The following CLCN7 variants were observed in gnomAD, a reference collection of about 807,000 sequenced individuals.
CLCN7 encodes the protein Cl-/H+ antiporter 7, also known as H(+)/Cl(-) exchange transporter 7.
CLCN7 carries 60 observed loss-of-function variants against 102.1 expected under a neutral mutation model. That is an observed-to-expected ratio of 0.59 (90% CI 0.48 to 0.73). The LOEUF (loss-of-function observed/expected upper bound fraction) is 0.73. Among genes scored for constraint, CLCN7 ranks in the 30% least tolerant of loss-of-function variants. The pLI is 0.00. For missense variants in CLCN7, 962 were observed against 1,125.7 expected, an observed-to-expected ratio of 0.85 and a Z score of 2.08; for synonymous variants, 560 against 490.5, an observed-to-expected ratio of 1.14 and a Z score of -1.87.
intron 13 of CLCN7, 132 bp from the exon 14 acceptor site, chr16:1,454,026 G>A (rs1055413358): frequency 3.7e-6 from 3 of 812,028 alleles, no homozygotes; most frequent in African/African-American, 3.4e-5. Flanking sequence ...AGGGGGTCCT[G>A]GTAAGATGCT....
chr16:1,448,635 G>T, intron 20 of CLCN7, 46 bp downstream of exon 20: 1 of 1,609,480 alleles, frequency 6.2e-7, no homozygotes, highest in Non-Finnish European at 8.5e-7. Flanking sequence ...TGCAACAAGA[G>T]GCCGCTGGAC....
rs200121444 is a variant in CLCN7 at position 1,448,977 on chromosome 16, C to T, written c.1786G>A (p.Val596Ile). The change falls in exon 19 of 25, where the codon GTC becomes ATC. Residue 596 changes from valine (V) to isoleucine (I), a missense_variant. Coordinates refer to ENST00000382745, the MANE Select transcript of CLCN7 (RefSeq NM_001287.6). The part of the protein sequence containing the change: ...VLMTAKIVGD[V>I]FIEGLYDMHI... Reference sequence around the variant, plus strand: ...AGGCCCTGGCGCACCTCAATGAAGACGTCGCCCACGATCTTGGCGGTCATG... The same window carrying T: ...AGGCCCTGGCGCACCTCAATGAAGATGTCGCCCACGATCTTGGCGGTCATG... The T allele has an allele frequency of 3.0e-5, 49 of 1,612,636 alleles. No homozygotes were observed. In the East Asian group the frequency reaches 4.2e-4, roughly 14 times the overall value.
intron 2 of CLCN7, among the ~76,000 whole-genome samples, chr16:1,463,138 G>A (rs1468366361): frequency 6.6e-6 from 1 of 152,118 alleles, no homozygotes; most frequent in Non-Finnish European, 1.5e-5. Flanking sequence ...CAAAAAAAGA[G>A]AGAGAGAGAG....
At position 1,461,459 on chromosome 16, in the gene CLCN7, A is replaced by G. The variant is rs933596310; in HGVS notation, c.297T>C (p.Tyr99=). 5 of 1,570,386 alleles carry G rather than the reference A, an allele frequency of 3.2e-6. No individual in the cohort carries two copies. In the African/African-American group the frequency reaches 4.0e-5, roughly 13 times the overall value. The change falls in exon 4 of 25, where the codon TAT becomes TAC. Residue 99 remains tyrosine (Y), a synonymous_variant. Transcript: ENST00000382745. ...LLSLKYESLD[Y]DNSENQLFLE... is the part of the protein sequence containing the mutation. The stretch of plus-strand genomic sequence containing the variant: ...GGAACAGCTGGTTCTCACTGTTGTC[A>G]TAGTCCAAGCTCTGCAGGCCGGGAC...
intron 15 of CLCN7, 67 bp from the exon 16 acceptor site, chr16:1,451,783 G>C: frequency 7.4e-7 from 1 of 1,344,234 alleles, no homozygotes; most frequent in South Asian, 1.2e-5. Flanking sequence ...GCACAAACCT[G>C]GTGTCGCCGT....
Position 1,474,866 on chromosome 16 carries a change from G to T in CLCN7, c.109C>A (p.Leu37Met). ...TARPGGGTPL[L>M]NGAGPGAARQ... ...GCAGCCCCAGGCCCAGCCCCGTTCA[G>T]CAGCGGCGTCCCCCCGCCGGGCCGC... The change falls in exon 1 of 25, where the codon CTG (leucine) becomes ATG (methionine). Residue 37 changes from leucine to methionine, a missense_variant. Leu to Met is a conservative substitution (Grantham distance 15, BLOSUM62 2). Coordinates refer to ENST00000382745, the MANE Select transcript of CLCN7 (RefSeq NM_001287.6). The T allele has an allele frequency of 6.9e-7, 1 of 1,441,902 alleles. No individual in the cohort carries two copies. The highest frequency in any genetic ancestry group is 9.1e-7 in the Non-Finnish European group (1 of 1,099,572). 89.3% of individuals were successfully genotyped at this position (1,441,902 alleles called of 1,614,324 possible).
intron 2 of CLCN7, among the ~76,000 whole-genome samples, chr16:1,463,444 G>A (rs959980564): frequency 6.6e-6 from 1 of 152,028 alleles, no homozygotes; most frequent in Non-Finnish European, 1.5e-5. Context: ...GTTCAGCCTG[G>A]GCCACACAGT....
chr16:1,473,465 C>T lies in CLCN7; in HGVS notation c.141+1369G>A, dbSNP rs1160955827. On this transcript the variant is annotated intron_variant, in intron 1 of 24. Coordinates refer to ENST00000382745, the MANE Select transcript of CLCN7 (RefSeq NM_001287.6). The stretch of plus-strand genomic sequence containing the variant: ...CTCCGCTCACTGTAAGCTCCGCCTC[C>T]CGGGTTCAATTGATTCTCCTGCCTC... Among the ~76,000 whole-genome samples the T allele has an allele frequency of 3.4e-5, 5 of 148,676 alleles. 1 individual carries two copies. The highest frequency in any genetic ancestry group is 4.3e-4 in the South Asian group (2 of 4,670).
chr16:1,460,385 G>A (rs781729324), intron 6 of CLCN7, 33 bp downstream of exon 6: 3 of 1,492,126 alleles, frequency 2.0e-6, no homozygotes, highest in Non-Finnish European at 2.8e-6. Context: ...TCCTTCATGG[G>A]GTCCGCCATA....
intron 23 of CLCN7, 43 bp from the exon 24 acceptor site, chr16:1,447,129 A>C: frequency 2.6e-6 from 4 of 1,537,508 alleles, no homozygotes; most frequent in Non-Finnish European, 2.6e-6. Flanking sequence ...CACACAGCAG[A>C]GGCAGGCGGG....
intron 17 of CLCN7, chr16:1,449,592 G>C (rs2038710247): frequency 1.7e-6 from 1 of 574,740 alleles, no homozygotes; most frequent in Admixed American, 3.0e-5. Context: ...CCACGCAGCA[G>C]CCCAGGCCAA....
intron 10 of CLCN7, 52 bp downstream of exon 10, chr16:1,456,061 T>C (rs1159397668): frequency 6.3e-6 from 9 of 1,424,802 alleles, no homozygotes; most frequent in Non-Finnish European, 8.7e-6. Flanking sequence ...GACCGTTCCT[T>C]CCAACACACA....
chr16:1,469,540 G>C (rs1327869326), intron 1 of CLCN7, among the ~76,000 whole-genome samples: 1 of 151,950 alleles, frequency 6.6e-6, no homozygotes, highest in Non-Finnish European at 1.5e-5. Context: ...ACAAAAATTA[G>C]CCGGGCATGG....
In CLCN7 at chr16:1,474,882, G is replaced by A. The variant is rs1301270135; in HGVS notation, c.93C>T (p.Gly31=). The change falls in exon 1 of 25, where the codon GGC becomes GGT. Residue 31 remains glycine (G), a synonymous_variant. Transcript: ENST00000382745. ...APLLRRTARP[G]GGTPLLNGAG... is the part of the protein sequence containing the mutation. ...CCCCGTTCAGCAGCGGCGTCCCCCC[G>A]CCGGGCCGCGCCGTCCTCCGCAGCA... 6.9e-7 allele frequency: 1 copy of A among 1,446,980 alleles called. No individual in the cohort carries two copies. The highest frequency in any genetic ancestry group is 9.1e-7 in the Non-Finnish European group (1 of 1,101,954). The allele number at this position is 1,446,980 out of a possible 1,614,324, so 89.6% of individuals were successfully genotyped here.
intron 16 of CLCN7, among the ~76,000 whole-genome samples, chr16:1,451,271 A>C (rs1444192933): frequency 6.6e-6 from 1 of 152,176 alleles, no homozygotes; most frequent in East Asian, 1.9e-4. Flanking sequence ...GCAGTGATGT[A>C]ATCACAGCTC....
chr16:1,454,508 G>A (rs748396346), intron 12 of CLCN7, 43 bp from the exon 13 acceptor site: 21 of 1,565,482 alleles, frequency 1.3e-5, no homozygotes, highest in African/African-American at 5.4e-5. Flanking sequence ...GAGGGAAAAG[G>A]CCCACAGCTC....
In CLCN7 at chr16:1,446,384, C is replaced by T. The variant is rs1484231893; in HGVS notation, c.*247G>A. On this transcript the variant is annotated 3_prime_UTR_variant, in exon 25 of 25. Transcript: ENST00000382745. Reference sequence around the variant, plus strand: ...CAGCTGATCCCTGGAGGTAAAGAAACCTAGACGAGGAGAGTGGAGGCTGGG... The same window carrying T: ...CAGCTGATCCCTGGAGGTAAAGAAATCTAGACGAGGAGAGTGGAGGCTGGG... The T allele has an allele frequency of 2.8e-6, 2 of 702,362 alleles. No homozygotes were observed. Among genetic ancestry groups the T allele is most frequent in the Admixed American group, 2.0e-5 (1 of 50,006 alleles). The allele number at this position is 702,362 out of a possible 1,614,324, so 43.5% of individuals were successfully genotyped here.
chr16:1,470,024 T>C (rs1420290437), intron 1 of CLCN7, among the ~76,000 whole-genome samples: 1 of 152,202 alleles, frequency 6.6e-6, no homozygotes, highest in Admixed American at 6.5e-5. Flanking sequence ...CTGAGGCAGA[T>C]GGCAACGAGG....
chr16:1,448,160 G>A (rs2038682874), intron 21 of CLCN7, 195 bp downstream of exon 21: 1 of 769,388 alleles, frequency 1.3e-6, no homozygotes, highest in African/African-American at 1.7e-5. Flanking sequence ...GACCCTGCCA[G>A]GCCGCAGCCC....
Sources: gnomAD v4.1 joint callset for allele counts (sites outside exome capture counted in the v4.1 genomes callset) on GRCh38, gnomAD v4.1.1 for gene constraint, MANE v1.5 for transcripts, NCBI Gene and HGNC (gene_info 2026-07-23, HGNC 2026-07-21) for gene names.